LRRC49: variants seen among roughly 807,000 people sequenced by gnomAD.
LRRC49 encodes leucine rich repeat containing 49.
Under a neutral mutation model 83.3 loss-of-function variants are expected in LRRC49, and 50 were observed. The ratio of observed to expected loss-of-function variants is 0.60; its 90% CI spans 0.48 to 0.76. The LOEUF (loss-of-function observed/expected upper bound fraction) is 0.76. LRRC49 is among the 30% of genes least tolerant of loss of function. The probability of loss-of-function intolerance (pLI) is 0.00; values close to 1 mark genes in which losing one functional copy is unlikely to be tolerated. For missense variants in LRRC49, 704 were observed against 809.1 expected, an observed-to-expected ratio of 0.87 and a Z score of 1.58; for synonymous variants, 286 against 283.3, an observed-to-expected ratio of 1.01 and a Z score of -0.10.
chr15:71,039,022 G>A (rs911003281), intron 15 of LRRC49, among the ~76,000 whole-genome samples: 1 of 152,076 alleles, frequency 6.6e-6, no homozygotes, highest in Non-Finnish European at 1.5e-5. Flanking sequence ...AGCATAGAGA[G>A]ATAACTAACC....
At chr15:71,031,516 C>T (rs973888653) in intron 14 of LRRC49, among the ~76,000 whole-genome samples, 1 of 152,202 alleles carries the variant, frequency 6.6e-6, no homozygotes, top group Non-Finnish European at 1.5e-5. Flanking sequence ...TAGCAGAGCT[C>T]GTGCACTGTG....
upstream of LRRC49, chr15:70,892,175 C>A: frequency 6.2e-7 from 1 of 1,611,232 alleles, no homozygotes; most frequent in Non-Finnish European, 8.5e-7. Flanking sequence ...GAAGCGGTCC[C>A]AGAGCAGCCG....
intron 1 of LRRC49, chr15:70,859,510 G>A: frequency 2.9e-6 from 2 of 686,156 alleles, no homozygotes; most frequent in Non-Finnish European, 2.7e-6. Context: ...TCAAGGTGCA[G>A]TAGGAGGAGA....
intron 11 of LRRC49, among the ~76,000 whole-genome samples, chr15:71,007,039 C>T (rs2038482629): frequency 6.6e-6 from 1 of 151,966 alleles, no homozygotes; most frequent in Non-Finnish European, 1.5e-5. Flanking sequence ...TAATCATTGT[C>T]TTAAGTGCTA....
intron 1 of LRRC49, among the ~76,000 whole-genome samples, chr15:70,855,037 G>A (rs1270774165): frequency 1.3e-5 from 2 of 152,160 alleles, no homozygotes; most frequent in Non-Finnish European, 2.9e-5. Flanking sequence ...CAGGAGCATA[G>A]AAATGAATAA....
chr15:71,003,559 C>T lies in LRRC49; in HGVS notation c.1170-4820C>T, dbSNP rs528106102. Among the ~76,000 whole-genome samples, 6 of 152,256 alleles carry T rather than the reference C, an allele frequency of 3.9e-5. No homozygotes were observed. In the South Asian group the frequency reaches 8.3e-4, roughly 21 times the overall value. ...TCCACCCTTTCCTTCATTCTCCAGT[C>T]AACCACTAAGTCTTACTTTTATTTA... On this transcript the variant is annotated intron_variant, in intron 11 of 15. Transcript: ENST00000260382.
At chr15:71,037,019 G>C (rs960315205) in intron 14 of LRRC49, among the ~76,000 whole-genome samples, 160 bp from the exon 15 acceptor site, 1 of 152,090 alleles carries the variant, frequency 6.6e-6, no homozygotes, top group Admixed American at 6.6e-5. Context: ...TTAGTAGAAA[G>C]TTTGGGGTAC....
At chr15:70,991,313 G>T (rs957666804) in intron 11 of LRRC49, among the ~76,000 whole-genome samples, 1 of 152,164 alleles carries the variant, frequency 6.6e-6, no homozygotes, top group Non-Finnish European at 1.5e-5. Context: ...TATCTTTATA[G>T]TGCATGTATA....
Position 70,875,717 on chromosome 15 carries a change from A to C in LRRC49, c.18+2494A>C, listed in dbSNP as rs115781845. Among the ~76,000 whole-genome samples the C allele has an allele frequency of 2.0e-3, 312 of 152,354 alleles. 2 individuals carry two copies. Among genetic ancestry groups the C allele is most frequent in the African/African-American group, 7.3e-3 (305 of 41,574 alleles). On this transcript the variant is annotated intron_variant, in intron 2 of 16. Transcript: ENST00000544974. ...GTAGGTACTAAAATCACAATTTTGC[A>C]TGGGAGTAGACTCAGGCCCAGAGAG...
chr15:71,018,544 T>G (rs1311588324), intron 14 of LRRC49, among the ~76,000 whole-genome samples: 1 of 152,084 alleles, frequency 6.6e-6, no homozygotes, highest in East Asian at 1.9e-4. Flanking sequence ...ACATTGAGAA[T>G]TAAGGTAGAC....
At chr15:70,866,242 G>A (rs888319457) in intron 1 of LRRC49, among the ~76,000 whole-genome samples, 3 of 151,974 alleles carry the variant, frequency 2.0e-5, no homozygotes, top group Non-Finnish European at 4.4e-5. Context: ...CTGCCTCCGG[G>A]TTCAGGTGAT....
intron 11 of LRRC49, among the ~76,000 whole-genome samples, chr15:70,986,744 C>T (rs1015764690): frequency 3.9e-5 from 6 of 152,138 alleles, no homozygotes; most frequent in Non-Finnish European, 8.8e-5. Flanking sequence ...CAGTTTTTGC[C>T]CATTCAGTCT....
chr15:71,039,530 T>C, intron 15 of LRRC49, among the ~76,000 whole-genome samples: 1 of 152,346 alleles, frequency 6.6e-6, no homozygotes, highest in Admixed American at 6.5e-5. Flanking sequence ...TATTTGCATG[T>C]AGCCTATGCA....
intron 7 of LRRC49, among the ~76,000 whole-genome samples, chr15:70,932,652 C>T (rs2035449780): frequency 6.6e-6 from 1 of 151,900 alleles, no homozygotes; most frequent in African/African-American, 2.4e-5. Flanking sequence ...AAAATAGCTC[C>T]AGTGATAGAT....
At chr15:70,994,415 T>C (rs1168582510) in intron 11 of LRRC49, among the ~76,000 whole-genome samples, 1 of 152,174 alleles carries the variant, frequency 6.6e-6, no homozygotes, top group Non-Finnish European at 1.5e-5. Context: ...AGGTTTCCAC[T>C]GTTCTTTTCA....
In LRRC49 at chr15:71,049,532, G is replaced by T. The variant is rs1329015262; in HGVS notation, c.1981G>T (p.Val661Phe). ...TTGGCCACAGATGTTCATTGAGCTT[G>T]TTAGGGATGCAGTCATAGAAATTCG... is the stretch of plus-strand genomic sequence containing the variant. ...KLWPQMFIEL[V>F]RDAVIEIRNK... The change falls in exon 16 of 16, where the codon GTT (valine) becomes TTT (phenylalanine). Residue 661 changes from valine (V) to phenylalanine (F), a missense_variant. Coordinates refer to ENST00000260382, the MANE Select transcript of LRRC49 (RefSeq NM_017691.5). 6.2e-7 allele frequency: 1 copy of T among 1,613,962 alleles called. No individual in the cohort carries two copies. Among genetic ancestry groups the T allele is most frequent in the Non-Finnish European group, 8.5e-7 (1 of 1,179,856 alleles).
chr15:70,962,545 G>A (rs185943488), intron 8 of LRRC49, among the ~76,000 whole-genome samples: 1 of 151,878 alleles, frequency 6.6e-6, no homozygotes, highest in African/African-American at 2.4e-5. Context: ...GACCAGGACC[G>A]GAATTAGTCT....
chr15:70,981,496 TAAA>T (rs568061143), intron 10 of LRRC49, among the ~76,000 whole-genome samples: 1 of 144,552 alleles, frequency 6.9e-6, no homozygotes. Flanking sequence ...AAGTATAATT[TAAA>T]AAAAAAAAGA....
intron 14 of LRRC49, among the ~76,000 whole-genome samples, chr15:71,031,038 G>A (rs955471755): frequency 6.6e-6 from 1 of 152,074 alleles, no homozygotes; most frequent in Non-Finnish European, 1.5e-5. Flanking sequence ...GTCCAGATTT[G>A]TGCCATTGCT....
Sources: gnomAD v4.1 joint callset for allele counts (sites outside exome capture counted in the v4.1 genomes callset) on GRCh38, gnomAD v4.1.1 for gene constraint, MANE v1.5 for transcripts, NCBI Gene and HGNC (gene_info 2026-07-23, HGNC 2026-07-21) for gene names.